Variants in PCED1B observed in about 807,000 individuals in gnomAD.
PCED1B encodes the protein PC-esterase domain-containing protein 1B.
For synonymous variants in PCED1B, 251 were observed against 246.1 expected (o/e 1.02, Z -0.19); for missense variants, 573 against 573.9 (o/e 1.00, Z 0.02).
chr12:47,150,449 G>A (rs918299877), intron 2 of PCED1B, among the ~76,000 whole-genome samples: 4 of 151,784 alleles, frequency 2.6e-5, no homozygotes, highest in African/African-American at 4.8e-5. Context: ...ACAGTGGTGC[G>A]TGCCTGTAGT....
intron 2 of PCED1B, among the ~76,000 whole-genome samples, chr12:47,188,413 A>G (rs1021856691): frequency 1.3e-4 from 20 of 152,202 alleles, no homozygotes; most frequent in African/African-American, 4.8e-4. Flanking sequence ...CATGGAATAT[A>G]CTGTGAGCCA....
intron 2 of PCED1B, among the ~76,000 whole-genome samples, chr12:47,161,948 T>C (rs1941395125): frequency 6.6e-6 from 1 of 152,146 alleles, no homozygotes; most frequent in South Asian, 2.1e-4. Context: ...AAAGGATGAA[T>C]TCATGTCCTT....
At chr12:47,151,848 T>A (rs1031597727) in intron 2 of PCED1B, among the ~76,000 whole-genome samples, 1 of 152,196 alleles carries the variant, frequency 6.6e-6, no homozygotes, top group South Asian at 2.1e-4. Flanking sequence ...TCACTCAGTC[T>A]GGCCACTCAA....
intron 3 of PCED1B, among the ~76,000 whole-genome samples, chr12:47,230,120 C>G (rs1943758622): frequency 7.5e-6 from 1 of 133,006 alleles, no homozygotes; most frequent in Non-Finnish European, 1.6e-5. Context: ...GAGTCTCACT[C>G]TGTCCCCAGG....
At chr12:47,104,705 T>G (rs118172709) in intron 2 of PCED1B, among the ~76,000 whole-genome samples, 1 of 152,330 alleles carries the variant, frequency 6.6e-6, no homozygotes, top group Non-Finnish European at 1.5e-5. Context: ...CTCTTCTAAT[T>G]ACTCTAAAAA....
At chr12:47,147,205 CAG>C (rs1157446151) in intron 2 of PCED1B, among the ~76,000 whole-genome samples, 1 of 151,978 alleles carries the variant, frequency 6.6e-6, no homozygotes, top group Non-Finnish European at 1.5e-5. Flanking sequence ...TCAGTAGAGA[CAG>C]GGTTTCACCA....
intron 2 of PCED1B, among the ~76,000 whole-genome samples, chr12:47,183,415 A>G (rs920313490): frequency 5.9e-5 from 9 of 152,232 alleles, no homozygotes; most frequent in East Asian, 5.8e-4. Context: ...AGTGTTTCCT[A>G]ACATGTGCTC....
chr12:47,214,523 T>C (rs1009612782), intron 2 of PCED1B, among the ~76,000 whole-genome samples: 4 of 152,078 alleles, frequency 2.6e-5, no homozygotes, highest in Non-Finnish European at 4.4e-5. Context: ...AAAAAACATT[T>C]TTGGCCAGGC....
intron 1 of PCED1B, among the ~76,000 whole-genome samples, chr12:47,084,212 ATCG>A (rs1937873570): frequency 6.6e-6 from 1 of 152,326 alleles, no homozygotes; most frequent in South Asian, 2.1e-4. Context: ...GTTGAGCAAA[ATCG>A]TCTAACACAA....
intron 2 of PCED1B, among the ~76,000 whole-genome samples, chr12:47,201,716 A>G (rs533481521): frequency 6.6e-6 from 1 of 152,036 alleles, no homozygotes; most frequent in Non-Finnish European, 1.5e-5. Context: ...CTCCCACCTC[A>G]GCCTCCTGAA....
At chr12:47,234,684 C>T (rs1469129149) in intron 3 of PCED1B, among the ~76,000 whole-genome samples, 2 of 152,204 alleles carry the variant, frequency 1.3e-5, no homozygotes, top group Non-Finnish European at 2.9e-5. Flanking sequence ...TGCTAGCACT[C>T]TCATCCCTGG....
chr12:47,228,717 A>G (rs1315325923), intron 3 of PCED1B, among the ~76,000 whole-genome samples: 1 of 151,916 alleles, frequency 6.6e-6, no homozygotes, highest in Non-Finnish European at 1.5e-5. Flanking sequence ...TAAAAAAACT[A>G]CAAAAATTAG....
At chr12:47,232,245 T>A (rs902045561) in intron 3 of PCED1B, among the ~76,000 whole-genome samples, 3 of 152,296 alleles carry the variant, frequency 2.0e-5, no homozygotes, top group Admixed American at 1.3e-4. Flanking sequence ...CCTGCCTCAG[T>A]CTTCCAAAGT....
chr12:47,147,990 TAATTTATAAATAAAGG>T (rs1224299294), intron 2 of PCED1B, among the ~76,000 whole-genome samples: 1 of 152,188 alleles, frequency 6.6e-6, no homozygotes, highest in Non-Finnish European at 1.5e-5. Flanking sequence ...ACAGGCCCAG[TAATTTATAAATAAAGG>T]AAATTTATTT....
chr12:47,087,287 G>T (rs1938034978), intron 1 of PCED1B, among the ~76,000 whole-genome samples: 1 of 152,096 alleles, frequency 6.6e-6, no homozygotes, highest in African/African-American at 2.4e-5. Flanking sequence ...TCTTATAAAG[G>T]GCTTCAGAGA....
At chr12:47,104,436 A>G (rs980225452) in intron 2 of PCED1B, among the ~76,000 whole-genome samples, 1 of 152,248 alleles carries the variant, frequency 6.6e-6, no homozygotes, top group Non-Finnish European at 1.5e-5. Context: ...TGAATGAGTG[A>G]CAATACTTAC....
At chr12:47,116,512 CA>C (rs887591726) in intron 2 of PCED1B, among the ~76,000 whole-genome samples, 5 of 151,842 alleles carry the variant, frequency 3.3e-5, no homozygotes, top group African/African-American at 1.2e-4. Context: ...TGTTAATTTT[CA>C]AAAAACACCA....
intron 2 of PCED1B, among the ~76,000 whole-genome samples, chr12:47,106,025 A>G (rs990069036): frequency 6.6e-6 from 1 of 152,174 alleles, no homozygotes; most frequent in Non-Finnish European, 1.5e-5. Flanking sequence ...GGAGAACTTC[A>G]ATATCCTTTC....
chr12:47,228,681 C>A (rs928282870), intron 3 of PCED1B, among the ~76,000 whole-genome samples: 1 of 151,854 alleles, frequency 6.6e-6, no homozygotes, highest in Non-Finnish European at 1.5e-5. Flanking sequence ...ACCAGCCTGG[C>A]CAAAATGGTG....
Sources: allele counts gnomAD v4.1 joint callset (sites outside exome capture counted in the v4.1 genomes callset), GRCh38; gene constraint gnomAD v4.1.1; transcripts MANE v1.5; gene names NCBI Gene and HGNC (gene_info 2026-07-23, HGNC 2026-07-21).